SHISA9: variants seen among roughly 807,000 people sequenced by gnomAD.
SHISA9 encodes shisa family member 9.
A neutral mutation model predicts 38.0 loss-of-function variants in SHISA9; 13 were observed. The observed-to-expected ratio is 0.34, with a 90% confidence interval of 0.22 to 0.54. The LOEUF (loss-of-function observed/expected upper bound fraction) is 0.54. SHISA9 is among the 20% of genes least tolerant of loss of function. SHISA9 has a pLI of 0.91. For synonymous variants in SHISA9, 275 were observed against 242.0 expected (o/e 1.14, Z -1.27); for missense variants, 538 against 575.8 (o/e 0.93, Z 0.67).
chr16:13,048,429 A>C (rs1206510287), intron 2 of SHISA9, among the ~76,000 whole-genome samples: 1 of 149,908 alleles, frequency 6.7e-6, no homozygotes, highest in Non-Finnish European at 1.5e-5. Flanking sequence ...GACTTATAAC[A>C]TTTTTTTTTT....
At chr16:13,049,116 C>G (rs1261216347) in intron 2 of SHISA9, among the ~76,000 whole-genome samples, 1 of 150,510 alleles carries the variant, frequency 6.6e-6, no homozygotes, top group Non-Finnish European at 1.5e-5. Context: ...ACTGACAGAT[C>G]CAAAGGCTTG....
chr16:13,388,424 G>A, the SHISA9 span, among the ~76,000 whole-genome samples: 393 of 151,626 alleles, frequency 2.6e-3, 2 homozygotes, highest in African/African-American at 9.0e-3. Context: ...CAATTCTCCT[G>A]CCTCAGCTTC....
rs1010951263 is a variant in SHISA9, at chr16:13,020,838, G to A, written c.691+104023G>A. ...GTTCTAATTGTCATGTATTCAGGGT[G>A]TAAATTGGATAACCAGATTTCTGTC... On this transcript the variant is annotated intron_variant, in intron 2 of 4. Transcript: ENST00000558583. Among the ~76,000 whole-genome samples the A allele has an allele frequency of 2.6e-5, 4 of 152,350 alleles. No homozygotes were observed. In the East Asian group the frequency reaches 5.8e-4, roughly 22 times the overall value.
chr16:13,195,136 T>C (rs7187511), intron 2 of SHISA9, among the ~76,000 whole-genome samples: 79,328 of 152,062 alleles, frequency 0.52, 21,996 homozygotes, highest in African/African-American at 0.72. Flanking sequence ...ACCTGGCACC[T>C]AGATTTTGGT....
At chr16:13,049,755 C>T (rs887818525) in intron 2 of SHISA9, among the ~76,000 whole-genome samples, 5 of 152,086 alleles carry the variant, frequency 3.3e-5, no homozygotes, top group Non-Finnish European at 1.5e-5. Flanking sequence ...TCAAAATGCC[C>T]TGACATCACC....
chr16:13,091,760 C>T (rs552614865), intron 2 of SHISA9, among the ~76,000 whole-genome samples: 57 of 152,262 alleles, frequency 3.7e-4, no homozygotes, highest in South Asian at 3.3e-3. Context: ...TCCTTTAGCT[C>T]GGAGAAGTTT....
intron 1 of SHISA9, among the ~76,000 whole-genome samples, chr16:12,915,087 G>A (rs544241990): frequency 6.6e-6 from 1 of 152,186 alleles, no homozygotes; most frequent in East Asian, 1.9e-4. Context: ...GGGCATGGGG[G>A]TATATCCCCA....
the SHISA9 span, among the ~76,000 whole-genome samples, chr16:13,352,736 T>G: frequency 1.7e-4 from 19 of 112,020 alleles, no homozygotes; most frequent in Admixed American, 4.1e-4. Flanking sequence ...AGGATTTGGG[T>G]AGGTAAAGGA....
At chr16:13,227,292 A>T (rs900453523) in intron 4 of SHISA9, among the ~76,000 whole-genome samples, 1 of 152,256 alleles carries the variant, frequency 6.6e-6, no homozygotes, top group Non-Finnish European at 1.5e-5. Context: ...CAAGGAGGCC[A>T]GTTTGGTTAC....
intron 2 of SHISA9, among the ~76,000 whole-genome samples, chr16:12,976,726 G>A (rs1240750675): frequency 6.6e-6 from 1 of 152,122 alleles, no homozygotes; most frequent in Admixed American, 6.5e-5. Flanking sequence ...GTTTCAAGCA[G>A]GTGAGTGTGA....
At chr16:13,417,325 A>G in the SHISA9 span, among the ~76,000 whole-genome samples, 1 of 152,194 alleles carries the variant, frequency 6.6e-6, no homozygotes, top group Non-Finnish European at 1.5e-5. Flanking sequence ...GATAGTGAAA[A>G]TGGAAGCCAA....
intron 2 of SHISA9, among the ~76,000 whole-genome samples, chr16:13,181,113 T>C (rs757296841): frequency 3.9e-5 from 6 of 151,900 alleles, no homozygotes; most frequent in Non-Finnish European, 7.4e-5. Flanking sequence ...ATATACATTT[T>C]ATAAACTATG....
the SHISA9 span, among the ~76,000 whole-genome samples, chr16:13,376,143 G>T: frequency 2.6e-5 from 4 of 152,298 alleles, no homozygotes; most frequent in East Asian, 5.8e-4. Context: ...GAAAAATTCT[G>T]CTCATAATTG....
At chr16:13,059,393 C>G (rs565818396) in intron 2 of SHISA9, among the ~76,000 whole-genome samples, 130 of 152,198 alleles carry the variant, frequency 8.5e-4, no homozygotes, top group African/African-American at 2.9e-3. Flanking sequence ...TCCCAAAGTG[C>G]TGGGATTACA....
At chr16:13,422,239 C>CTAAA in the SHISA9 span, among the ~76,000 whole-genome samples, 1 of 152,196 alleles carries the variant, frequency 6.6e-6, no homozygotes, top group South Asian at 2.1e-4. Flanking sequence ...GGCTTCCAGG[C>CTAAA]TAAAGCACAA....
At chr16:13,124,618 C>G (rs1458615416) in intron 2 of SHISA9, among the ~76,000 whole-genome samples, 1 of 152,056 alleles carries the variant, frequency 6.6e-6, no homozygotes, top group African/African-American at 2.4e-5. Flanking sequence ...TGAAGACAAT[C>G]CTAAAACTTA....
At chr16:13,433,105 GAA>G in the SHISA9 span, among the ~76,000 whole-genome samples, 14 of 142,884 alleles carry the variant, frequency 9.8e-5, no homozygotes, top group East Asian at 4.1e-4. Context: ...GCTTGAAAAT[GAA>G]AAAAAAAAAG....
the SHISA9 span, among the ~76,000 whole-genome samples, chr16:13,269,526 C>A: frequency 1.7e-3 from 262 of 152,318 alleles, no homozygotes; most frequent in African/African-American, 5.9e-3. Flanking sequence ...AGCCAGTGAG[C>A]CTCTGCCAAG....
the SHISA9 span, among the ~76,000 whole-genome samples, chr16:13,409,338 T>A: frequency 6.6e-6 from 1 of 152,352 alleles, no homozygotes; most frequent in African/African-American, 2.4e-5. Flanking sequence ...GGACAAGAGC[T>A]TGGGGTACAG....
Sources: allele counts gnomAD v4.1 joint callset (sites outside exome capture counted in the v4.1 genomes callset), GRCh38; gene constraint gnomAD v4.1.1; transcripts MANE v1.5; gene names NCBI Gene and HGNC (gene_info 2026-07-23, HGNC 2026-07-21).